The following NELL2 variants were observed in gnomAD, a reference collection of about 807,000 sequenced individuals.
The protein encoded by NELL2 is neural EGFL like 2.
In NELL2, 41 loss-of-function variants were observed where a neutral mutation model predicts 109.6. The ratio of observed to expected loss-of-function variants is 0.37; its 90% CI spans 0.29 to 0.49. The LOEUF is 0.49. NELL2 is among the 20% of genes least tolerant of loss of function. The probability of loss-of-function intolerance (pLI) is 0.98; values close to 1 mark genes in which losing one functional copy is unlikely to be tolerated. For synonymous variants in NELL2, 355 were observed against 344.7 expected (o/e 1.03, Z -0.33); for missense variants, 900 against 1,008.3 (o/e 0.89, Z 1.45).
At chr12:44,538,480 A>T (rs1339920025) in intron 15 of NELL2, among the ~76,000 whole-genome samples, 2 of 152,184 alleles carry the variant, frequency 1.3e-5, no homozygotes, top group Non-Finnish European at 2.9e-5. Context: ...AGGAAAATAC[A>T]ATTTTGTAAG....
chr12:44,565,638 C>T (rs1943629264), intron 15 of NELL2, among the ~76,000 whole-genome samples: 1 of 152,138 alleles, frequency 6.6e-6, no homozygotes, highest in Non-Finnish European at 1.5e-5. Context: ...AGTCAGAATG[C>T]TTGAGTTCCA....
intron 2 of NELL2, among the ~76,000 whole-genome samples, chr12:44,821,641 T>C (rs1943546392): frequency 6.6e-6 from 1 of 152,176 alleles, no homozygotes; most frequent in Non-Finnish European, 1.5e-5. Context: ...ATTCTGACAT[T>C]GACCATTAAA....
intron 9 of NELL2, among the ~76,000 whole-genome samples, chr12:44,751,529 GT>G (rs1414046205): frequency 6.6e-6 from 1 of 152,032 alleles, no homozygotes; most frequent in African/African-American, 2.4e-5. Context: ...CAAAAAGCAT[GT>G]CTGTAAAACA....
intron 12 of NELL2, among the ~76,000 whole-genome samples, chr12:44,684,259 G>A (rs1948632991): frequency 6.6e-6 from 1 of 152,154 alleles, no homozygotes; most frequent in Admixed American, 6.6e-5. Context: ...GGGATTGGTG[G>A]TGATATTCCC....
intron 15 of NELL2, among the ~76,000 whole-genome samples, chr12:44,536,150 C>G (rs1425614827): frequency 6.6e-6 from 1 of 151,878 alleles, no homozygotes. Context: ...TTTTTTCGCT[C>G]ATGACTCTAA....
chr12:44,681,973 G>C (rs1180097510), intron 12 of NELL2, among the ~76,000 whole-genome samples: 1 of 151,802 alleles, frequency 6.6e-6, no homozygotes, highest in Non-Finnish European at 1.5e-5. Flanking sequence ...TCTAGTTCTA[G>C]ATCCCTGAGG....
chr12:44,908,731 T>C (rs1945747519), intron 1 of NELL2, among the ~76,000 whole-genome samples: 1 of 152,152 alleles, frequency 6.6e-6, no homozygotes, highest in African/African-American at 2.4e-5. Context: ...TTGATGAAAC[T>C]TTGTGCTGTT....
chr12:44,734,863 GC>G (rs1341843050), intron 9 of NELL2, among the ~76,000 whole-genome samples: 1 of 151,582 alleles, frequency 6.6e-6, no homozygotes, highest in East Asian at 1.9e-4. Flanking sequence ...AATTTTTTCA[GC>G]TTTTTACTTT....
At chr12:44,590,917 G>A in intron 15 of NELL2, among the ~76,000 whole-genome samples, 1 of 150,018 alleles carries the variant, frequency 6.7e-6, no homozygotes, top group African/African-American at 2.5e-5. Context: ...AACCAACCTT[G>A]ACTCAACAGA....
At chr12:44,845,627 C>A (rs1161314555) in intron 2 of NELL2, among the ~76,000 whole-genome samples, 1 of 152,092 alleles carries the variant, frequency 6.6e-6, no homozygotes, top group Non-Finnish European at 1.5e-5. Context: ...AGGTAAAAAT[C>A]CTCATTTTAA....
At chr12:44,617,854 CT>C (rs377522898) in intron 13 of NELL2, among the ~76,000 whole-genome samples, 2 of 152,134 alleles carry the variant, frequency 1.3e-5, no homozygotes, top group African/African-American at 4.8e-5. Flanking sequence ...GATGTCTTCT[CT>C]TTTCCATTTC....
intron 2 of NELL2, among the ~76,000 whole-genome samples, chr12:44,856,981 C>T (rs75656843): frequency 0.016 from 2,384 of 152,138 alleles, 30 homozygotes; most frequent in Non-Finnish European, 0.024. Flanking sequence ...CAAAGAGGTA[C>T]AGGGAGGAAA....
At chr12:44,761,487 A>G (rs200785991) in intron 9 of NELL2, among the ~76,000 whole-genome samples, 1 of 152,200 alleles carries the variant, frequency 6.6e-6, no homozygotes, top group East Asian at 1.9e-4. Context: ...CAAAGAACTA[A>G]AAATAGAACT....
intron 3 of NELL2, among the ~76,000 whole-genome samples, chr12:44,798,677 G>A (rs1213911206): frequency 1.3e-5 from 2 of 151,886 alleles, no homozygotes; most frequent in African/African-American, 4.8e-5. Flanking sequence ...ACATAATCTT[G>A]AAAAAAGCAA....
chr12:44,555,070 C>T (rs1243230692), intron 15 of NELL2, among the ~76,000 whole-genome samples: 1 of 152,208 alleles, frequency 6.6e-6, no homozygotes, highest in African/African-American at 2.4e-5. Flanking sequence ...TGGAGTCATT[C>T]TTCGTAGATG....
chr12:44,831,164 C>T (rs1476308434), intron 2 of NELL2, among the ~76,000 whole-genome samples: 1 of 152,040 alleles, frequency 6.6e-6, no homozygotes, highest in African/African-American at 2.4e-5. Context: ...GTATAAAATA[C>T]AGAAGATTCA....
intron 3 of NELL2, among the ~76,000 whole-genome samples, chr12:44,799,913 A>C (rs1205532144): frequency 6.6e-6 from 1 of 152,194 alleles, no homozygotes; most frequent in Non-Finnish European, 1.5e-5. Flanking sequence ...GAGGAAGTGG[A>C]ATAAAGTGAT....
At chr12:44,628,978 T>C (rs1946360718) in intron 13 of NELL2, among the ~76,000 whole-genome samples, 1 of 151,310 alleles carries the variant, frequency 6.6e-6, no homozygotes. Flanking sequence ...AGCTTCTCTG[T>C]TCAGTGTAGA....
exon 1 of NELL2, chr12:44,913,890 C>T: frequency 1.8e-6 from 1 of 566,532 alleles, no homozygotes; most frequent in Non-Finnish European, 2.9e-6. Context: ...TTGAATAAAG[C>T]ATCTTCCTTA....
Sources: gnomAD v4.1 joint callset for allele counts (sites outside exome capture counted in the v4.1 genomes callset) on GRCh38, gnomAD v4.1.1 for gene constraint, MANE v1.5 for transcripts, NCBI Gene and HGNC (gene_info 2026-07-23, HGNC 2026-07-21) for gene names.